The following MOV10 variants were observed in gnomAD, a reference collection of about 807,000 sequenced individuals.
MOV10 encodes Mov10 RNA helicase, also known as RNA helicase MOV-10.
MOV10 carries 39 observed loss-of-function variants against 108.4 expected under a neutral mutation model. The ratio of observed to expected loss-of-function variants is 0.36; its 90% CI spans 0.28 to 0.47. The LOEUF (loss-of-function observed/expected upper bound fraction) is 0.47. Ranked by LOEUF, MOV10 falls within the 20% of genes least tolerant of loss-of-function variation. MOV10 has a pLI of 1.00. For missense variants in MOV10, 952 were observed against 1,297.6 expected, an observed-to-expected ratio of 0.73 and a Z score of 4.09; for synonymous variants, 490 against 523.1, an observed-to-expected ratio of 0.94 and a Z score of 0.86.
At chr1:112,700,139 G>A in intron 19 of MOV10, 80 bp from the exon 20 acceptor site, 1 of 1,601,630 alleles carries the variant, frequency 6.2e-7, no homozygotes, top group Non-Finnish European at 8.5e-7. Context: ...GACATCCAGA[G>A]GTTGAGCAAG....
At chr1:112,687,769 C>A (rs1673193834) in intron 2 of MOV10, among the ~76,000 whole-genome samples, 1 of 152,138 alleles carries the variant, frequency 6.6e-6, no homozygotes, top group Non-Finnish European at 1.5e-5. Flanking sequence ...GTGTCAAAAT[C>A]TCATGTAAAC....
chr1:112,686,854 G>A (rs939964222), intron 2 of MOV10: 2 of 446,420 alleles, frequency 4.5e-6, no homozygotes, highest in Non-Finnish European at 9.0e-6. Context: ...AAGTATTAGC[G>A]AATCTTGCCG....
intron 3 of MOV10, 26 bp from the exon 4 acceptor site, chr1:112,689,389 C>CCCTTTAA: frequency 7.8e-7 from 1 of 1,288,948 alleles, no homozygotes; most frequent in Non-Finnish European, 1.1e-6. Context: ...CCACCCCAAC[C>CCCTTTAA]CCCCCTTGAC....
At position 112,689,373 on chromosome 1, in the gene MOV10, C is replaced by A. The variant is rs553801206; in HGVS notation, c.342-42C>A. ...TCCCCAGGGTAACTCCCCAGTCAGACCGCTCCCACCCCAACCCCCCCTTGA... is the reference window on the plus strand; with the variant it reads ...TCCCCAGGGTAACTCCCCAGTCAGAACGCTCCCACCCCAACCCCCCCTTGA... On this transcript the variant is annotated intron_variant, in intron 3 of 20. Coordinates refer to ENST00000369645, the MANE Select transcript of MOV10 (RefSeq NM_001321324.2). 20 of 1,444,456 alleles carry A rather than the reference C, an allele frequency of 1.4e-5. No homozygotes were observed. In the African/African-American group the frequency reaches 2.6e-4, roughly 19 times the overall value. The allele number at this position is 1,444,456 out of a possible 1,614,324, so 89.5% of individuals were successfully genotyped here.
At chr1:112,691,931 A>G in intron 6 of MOV10, 132 bp downstream of exon 6, 1 of 940,260 alleles carries the variant, frequency 1.1e-6, no homozygotes, top group Non-Finnish European at 1.6e-6. Flanking sequence ...CGCACCATAC[A>G]CCAAGCACCA....
In MOV10 at chr1:112,700,703, A is replaced by C; in HGVS notation, c.*196A>C. ...CTAACAATTGGGGGAAGGGGAAGGA[A>C]GAAAACTCTGAAAACAAAATCTTGT... On this transcript the variant is annotated 3_prime_UTR_variant, in exon 21 of 21. Coordinates refer to ENST00000369645, the MANE Select transcript of MOV10 (RefSeq NM_001321324.2). 6 of 1,522,912 alleles carry C rather than the reference A, an allele frequency of 3.9e-6. No homozygotes were observed. The highest frequency in any genetic ancestry group is 5.3e-6 in the Non-Finnish European group (6 of 1,142,352). The allele number at this position is 1,522,912 out of a possible 1,614,324, so 94.3% of individuals were successfully genotyped here.
intron 7 of MOV10, 43 bp from the exon 8 acceptor site, chr1:112,693,975 T>TC: frequency 1.9e-6 from 3 of 1,606,446 alleles, no homozygotes; most frequent in Non-Finnish European, 2.6e-6. Flanking sequence ...CCCTCCAGCG[T>TC]CCATCCCTGG....
Position 112,698,823 on chromosome 1 carries a change from C to T in MOV10, c.2583+34C>T, listed in dbSNP as rs772314815. 21 of 1,575,462 alleles carry T rather than the reference C, an allele frequency of 1.3e-5. No individual in the cohort carries two copies. In the African/African-American group the frequency reaches 2.8e-4, roughly 21 times the overall value. ...CTGTTCCACAGTCACTCCCTGCCTT[C>T]CGTGTGCCCCCACTTGCCCACTTCC... On this transcript the variant is annotated intron_variant, in intron 17 of 20. Coordinates refer to ENST00000369645, the MANE Select transcript of MOV10 (RefSeq NM_001321324.2).
intron 2 of MOV10, among the ~76,000 whole-genome samples, chr1:112,681,291 A>C (rs547201024): frequency 6.6e-6 from 1 of 152,138 alleles, no homozygotes; most frequent in Admixed American, 6.5e-5. Context: ...CAGGAGTTTG[A>C]GACCAGTCTG....
chr1:112,686,710 C>G (rs1483653766), intron 2 of MOV10, among the ~76,000 whole-genome samples: 1 of 152,194 alleles, frequency 6.6e-6, no homozygotes, highest in East Asian at 1.9e-4. Flanking sequence ...ACCCCTCCTC[C>G]TCTTGTCTTA....
rs774313878 is a variant in MOV10 at position 112,689,607 on chromosome 1, T to C, written c.534T>C (p.Ala178=). Residue 178 remains alanine, a synonymous_variant, in exon 4 of 21, where the codon GCT becomes GCC. Coordinates refer to ENST00000369645, the MANE Select transcript of MOV10 (RefSeq NM_001321324.2). Reference sequence around the variant, plus strand: ...CACTCTGCCGGACACCCCAGTTTGCTTTCTACAATGAAGACCAGGAGTTGC... The same window carrying C: ...CACTCTGCCGGACACCCCAGTTTGCCTTCTACAATGAAGACCAGGAGTTGC... ...LFPLCRTPQF[A]FYNEDQELPC... is the part of the protein sequence containing the mutation. 5.6e-6 allele frequency: 9 copies of C among 1,614,234 alleles called. No individual in the cohort carries two copies. Among genetic ancestry groups the C allele is most frequent in the Non-Finnish European group, 7.6e-6 (9 of 1,180,050 alleles).
At chr1:112,697,474 AAAG>A (rs1241901999) in intron 14 of MOV10, among the ~76,000 whole-genome samples, 2 of 152,194 alleles carry the variant, frequency 1.3e-5, no homozygotes, top group Admixed American at 6.5e-5. Context: ...CATCTCAAAA[AAAG>A]AAAGAAAAAT....
At chr1:112,684,824 G>T (rs1672947725) in intron 2 of MOV10, among the ~76,000 whole-genome samples, 1 of 152,028 alleles carries the variant, frequency 6.6e-6, no homozygotes, top group African/African-American at 2.4e-5. Flanking sequence ...TGGCCATCTG[G>T]ATCTGTTCTT....
Position 112,694,852 on chromosome 1 carries a change from C to T in MOV10, c.1576C>T (p.Pro526Ser). The change falls in exon 10 of 21, where the codon CCA becomes TCA. Residue 526 changes from proline to serine, a missense_variant. Transcript: ENST00000369645. The surrounding 1 kb of genome is among the most constrained non-coding windows in gnomAD (Gnocchi z 4.1). ...AGCCCCCTACATCATCTTTGGGCCT[C>T]CAGGCACCGGCAAGACTGTCACGTT... The part of the protein sequence containing the change: ...RPAPYIIFGP[P>S]GTGKTVTLVE... The T allele has an allele frequency of 6.2e-7, 1 of 1,614,102 alleles. No individual in the cohort carries two copies. Among genetic ancestry groups the T allele is most frequent in the Non-Finnish European group, 8.5e-7 (1 of 1,180,006 alleles).
At chr1:112,692,321 G>C (rs1188209211) in intron 6 of MOV10, among the ~76,000 whole-genome samples, 3 of 152,212 alleles carry the variant, frequency 2.0e-5, no homozygotes, top group Non-Finnish European at 4.4e-5. Context: ...GGGTGACAGA[G>C]CAAGATCTTG....
chr1:112,689,332 C>T lies in MOV10; in HGVS notation c.342-83C>T, dbSNP rs180893248. 1.2e-4 allele frequency: 174 copies of T among 1,407,624 alleles called. No homozygotes were observed. In the African/African-American group the frequency reaches 2.3e-3, roughly 19 times the overall value. The allele number at this position is 1,407,624 out of a possible 1,614,324, so 87.2% of individuals were successfully genotyped here. ...AGCACAGCTGGCACTTTGCCTGCCT[C>T]CCAAGCCTAAAGCTTTCCCCAGGGT... is the stretch of plus-strand genomic sequence containing the variant. On this transcript the variant is annotated intron_variant, in intron 3 of 20. Transcript: ENST00000369645.
intron 3 of MOV10, 124 bp downstream of exon 3, chr1:112,689,262 G>C (rs1322959744): frequency 2.6e-5 from 32 of 1,230,810 alleles, no homozygotes; most frequent in Non-Finnish European, 3.6e-5. Flanking sequence ...CAGGGAATGG[G>C]GGAAGGGCAG....
Position 112,700,283 on chromosome 1 carries a change from C to T in MOV10, c.2863C>T (p.Leu955=), listed in dbSNP as rs1341940629. 6.2e-7 allele frequency: 1 copy of T among 1,614,192 alleles called. No individual in the cohort carries two copies. The highest frequency in any genetic ancestry group is 1.7e-5 in the Admixed American group (1 of 60,026). ...GTGTCCCTTCCCTGCCAAACTGGACCTGCAACAGGGACAGAATTTACTGCA... is the reference window on the plus strand; with the variant it reads ...GTGTCCCTTCCCTGCCAAACTGGACTTGCAACAGGGACAGAATTTACTGCA... The part of the protein sequence containing the change: ...TGCPFPAKLD[L]QQGQNLLQGL... The change falls in exon 20 of 21, where the codon CTG becomes TTG. Residue 955 remains leucine, a synonymous_variant. Transcript: ENST00000369645.
upstream of MOV10, chr1:112,674,534 C>G (rs1672023571): frequency 6.2e-6 from 1 of 162,498 alleles, no homozygotes; most frequent in African/African-American, 2.4e-5. Flanking sequence ...TGAGGGTAGC[C>G]CTGGCTGAGG....
Sources: allele counts gnomAD v4.1 joint callset (sites outside exome capture counted in the v4.1 genomes callset), GRCh38; gene constraint gnomAD v4.1.1; non-coding constraint Gnocchi (gnomAD v3.1); transcripts MANE v1.5; gene names NCBI Gene and HGNC (gene_info 2026-07-23, HGNC 2026-07-21).